HS3ST4: variants seen among roughly 807,000 people sequenced by gnomAD.
HS3ST4 encodes heparan sulfate glucosamine 3-O-sulfotransferase 4.
Under a neutral mutation model 29.2 loss-of-function variants are expected in HS3ST4, and 17 were observed. The observed-to-expected ratio is 0.58, with a 90% CI of 0.40 to 0.87. The LOEUF (loss-of-function observed/expected upper bound fraction) is 0.87, where lower values mean the gene tolerates loss of function less well. Ranked by LOEUF, HS3ST4 falls within the 40% of genes least tolerant of loss-of-function variation. HS3ST4 has a pLI of 0.00. For synonymous variants in HS3ST4, 314 were observed against 285.7 expected (o/e 1.10, Z -1.00); for missense variants, 627 against 634.5 (o/e 0.99, Z 0.13).
At chr16:25,862,176 T>C (rs1967644782) in intron 1 of HS3ST4, among the ~76,000 whole-genome samples, 1 of 51,298 alleles carries the variant, frequency 1.9e-5, no homozygotes, top group Non-Finnish European at 4.3e-5. Context: ...TTTATTTATT[T>C]ATTTATTTAT....
intron 1 of HS3ST4, among the ~76,000 whole-genome samples, chr16:25,924,718 A>G (rs1281615944): frequency 6.6e-6 from 1 of 152,124 alleles, no homozygotes; most frequent in East Asian, 1.9e-4. Flanking sequence ...CCTCTATTAT[A>G]AAATGTAGTC....
chr16:25,802,925 ATATGTGTGTG>A (rs199920373), intron 1 of HS3ST4, among the ~76,000 whole-genome samples: 10,791 of 131,348 alleles, frequency 0.082, 415 homozygotes, highest in Middle Eastern at 0.12. Flanking sequence ...TTTAAGTTAT[ATATGTGTGTG>A]TGTGTGTGTG....
chr16:25,837,239 G>C (rs1416358192), intron 1 of HS3ST4, among the ~76,000 whole-genome samples: 1 of 152,178 alleles, frequency 6.6e-6, no homozygotes, highest in African/African-American at 2.4e-5. Context: ...TTCACGTTCA[G>C]AGGAATCACA....
intron 1 of HS3ST4, among the ~76,000 whole-genome samples, chr16:26,038,358 C>A (rs537591764): frequency 6.6e-4 from 97 of 146,098 alleles, no homozygotes; most frequent in African/African-American, 2.5e-3. Flanking sequence ...TGTCATCACA[C>A]GGTGCATTTA....
At chr16:25,925,715 G>C (rs145900155) in intron 1 of HS3ST4, among the ~76,000 whole-genome samples, 1 of 152,116 alleles carries the variant, frequency 6.6e-6, no homozygotes, top group Non-Finnish European at 1.5e-5. Context: ...TGTGTCTTTC[G>C]CAAAGCCAAA....
chr16:25,735,596 G>A (rs572273348), intron 1 of HS3ST4, among the ~76,000 whole-genome samples: 23 of 152,034 alleles, frequency 1.5e-4, no homozygotes, highest in Non-Finnish European at 2.8e-4. Context: ...TCACTGTGTT[G>A]CCCAGTCTGG....
chr16:25,724,365 C>CTT (rs111516910), intron 1 of HS3ST4, among the ~76,000 whole-genome samples: 1 of 142,644 alleles, frequency 7.0e-6, no homozygotes. Flanking sequence ...CTCCCCTCAA[C>CTT]TTTTTTTTTT....
chr16:25,810,316 A>C (rs1967030487), intron 1 of HS3ST4, among the ~76,000 whole-genome samples: 1 of 152,066 alleles, frequency 6.6e-6, no homozygotes, highest in Admixed American at 6.6e-5. Context: ...ATTGTGGTGG[A>C]GAAGATAGTT....
chr16:26,009,216 A>C (rs1470675190), intron 1 of HS3ST4, among the ~76,000 whole-genome samples: 5 of 152,206 alleles, frequency 3.3e-5, no homozygotes, highest in Non-Finnish European at 5.9e-5. Flanking sequence ...ACATGATTCC[A>C]TCAGTTAATT....
intron 1 of HS3ST4, among the ~76,000 whole-genome samples, chr16:25,986,543 G>C (rs1376457857): frequency 6.6e-6 from 1 of 152,216 alleles, no homozygotes. Flanking sequence ...GGGGAAACAA[G>C]TCAATTCAGT....
chr16:26,007,928 T>TA (rs11371131), intron 1 of HS3ST4, among the ~76,000 whole-genome samples: 2 of 151,396 alleles, frequency 1.3e-5, no homozygotes, highest in East Asian at 3.9e-4. Flanking sequence ...TTTTTTTTTT[T>TA]AAAGCAGGAA....
chr16:25,853,351 A>G (rs4354943), intron 1 of HS3ST4, among the ~76,000 whole-genome samples: 45,207 of 151,460 alleles, frequency 0.3, 7,233 homozygotes, highest in Admixed American at 0.36. Context: ...AACAGAGACA[A>G]TTTAACTTCT....
At chr16:25,796,496 A>G (rs768997489) in intron 1 of HS3ST4, among the ~76,000 whole-genome samples, 5 of 152,222 alleles carry the variant, frequency 3.3e-5, no homozygotes, top group South Asian at 2.1e-4. Context: ...CTTCCGGTCT[A>G]TAGTGCTTGT....
intron 1 of HS3ST4, among the ~76,000 whole-genome samples, chr16:25,698,177 G>A (rs888290467): frequency 3.3e-5 from 5 of 151,648 alleles, no homozygotes; most frequent in East Asian, 3.9e-4. Flanking sequence ...GGAATCCGCC[G>A]TTCTCAGCCT....
intron 1 of HS3ST4, among the ~76,000 whole-genome samples, chr16:25,737,754 A>G (rs1219841095): frequency 6.6e-6 from 1 of 152,184 alleles, no homozygotes; most frequent in Non-Finnish European, 1.5e-5. Flanking sequence ...GAAACAATGT[A>G]TACATTTTAG....
intron 1 of HS3ST4, among the ~76,000 whole-genome samples, chr16:25,713,233 G>T (rs1223561770): frequency 6.6e-6 from 1 of 151,990 alleles, no homozygotes; most frequent in Non-Finnish European, 1.5e-5. Flanking sequence ...CCTCTTTAAA[G>T]ATCCTGTCTC....
chr16:25,887,758 T>C (rs1967969421), intron 1 of HS3ST4, among the ~76,000 whole-genome samples: 2 of 141,086 alleles, frequency 1.4e-5, no homozygotes, highest in South Asian at 2.3e-4. Context: ...AGTGCAGTGG[T>C]GCTATCTCGG....
Position 25,830,119 on chromosome 16 carries a change from C to G in HS3ST4, c.734+136968C>G, listed in dbSNP as rs144815919. ...AGATTACAGGCATGAACCACCACACCCAGCCTAAAATACATTAAATGGGCT... is the reference window on the plus strand; with the variant it reads ...AGATTACAGGCATGAACCACCACACGCAGCCTAAAATACATTAAATGGGCT... On this transcript the variant is annotated intron_variant, in intron 1 of 1. Transcript: ENST00000331351. 8.7e-4 allele frequency among the ~76,000 whole-genome samples: 133 copies of G among 152,248 alleles called. 4 individuals are homozygous for G. In the East Asian group the frequency reaches 0.02, roughly 23 times the overall value.
At chr16:26,113,590 C>T (rs562543435) in intron 1 of HS3ST4, among the ~76,000 whole-genome samples, 6 of 151,032 alleles carry the variant, frequency 4.0e-5, no homozygotes, top group Admixed American at 6.6e-5. Flanking sequence ...CAGCTCTCAG[C>T]CTTCTTGGTT....
Sources: allele counts gnomAD v4.1 joint callset (sites outside exome capture counted in the v4.1 genomes callset), GRCh38; gene constraint gnomAD v4.1.1; transcripts MANE v1.5; gene names NCBI Gene and HGNC (gene_info 2026-07-23, HGNC 2026-07-21).